The following ASCL4 variants were observed in gnomAD, a reference collection of about 807,000 sequenced individuals.
ASCL4 encodes achaete-scute homolog 4.
ASCL4 carries 1 observed loss-of-function variant against 0.3 expected under a neutral mutation model. The observed-to-expected ratio is 3.35, with a 90% confidence interval of 1.19 to 15.89. The LOEUF (loss-of-function observed/expected upper bound fraction) is 15.89, where lower values mean the gene tolerates loss of function less well. Ranked by LOEUF, ASCL4 falls within the 30% of genes most tolerant of loss-of-function variation. The pLI is 0.12. For missense variants in ASCL4, 330 were observed against 256.9 expected (o/e 1.28, Z -1.94); for synonymous variants, 137 against 119.5 (o/e 1.15, Z -0.96).
Position 107,775,946 on chromosome 12 carries a change from A to T in ASCL4, c.*209A>T. On this transcript the variant is annotated 3_prime_UTR_variant, in exon 1 of 1. Coordinates refer to ENST00000342331, the MANE Select transcript of ASCL4 (RefSeq NM_203436.3). ...AATTTCTCCCCTGCCCTTATTGGTTACGTGCCTGCAACTTATAGGTGCTTA... is the reference window on the plus strand; with the variant it reads ...AATTTCTCCCCTGCCCTTATTGGTTTCGTGCCTGCAACTTATAGGTGCTTA... 1 of 500,866 alleles carries T rather than the reference A, an allele frequency of 2.0e-6. No individual in the cohort carries two copies. The highest frequency in any genetic ancestry group is 8.1e-5 in the South Asian group (1 of 12,274). 31.0% of individuals were successfully genotyped at this position (500,866 alleles called of 1,614,324 possible).
At position 107,775,323 on chromosome 12, in the gene ASCL4, C is replaced by T. The variant is rs756393482; in HGVS notation, c.105C>T (p.Pro35=). The part of the protein sequence containing the change: ...GTLPGLPRRD[P]LRVALRLDAA... ...TGCCCGGACTCCCGCGGAGGGACCCCCTCAGGGTCGCCCTGCGTCTGGACG... is the reference window on the plus strand; with the variant it reads ...TGCCCGGACTCCCGCGGAGGGACCCTCTCAGGGTCGCCCTGCGTCTGGACG... The change falls in exon 1 of 1, where the codon CCC becomes CCT. Residue 35 remains proline (P), a synonymous_variant. Transcript: ENST00000342331. The T allele has an allele frequency of 6.2e-7, 1 of 1,610,682 alleles. No homozygotes were observed. Among genetic ancestry groups the T allele is most frequent in the South Asian group, 1.1e-5 (1 of 90,928 alleles).
At position 107,775,014 on chromosome 12, in the gene ASCL4, C is replaced by G; in HGVS notation, c.-205C>G. ...ACCTCTGCCTAAATCATAAAAAGAT[C>G]GAGGAGTGCAATGAACTTCAGGAAT... On this transcript the variant is annotated 5_prime_UTR_variant, in exon 1 of 1. In the 5' UTR this introduces an upstream ATG that the reference lacks. Transcript: ENST00000342331. The G allele has an allele frequency of 1.7e-6, 1 of 598,626 alleles. No individual in the cohort carries two copies. The highest frequency in any genetic ancestry group is 2.8e-6 in the Non-Finnish European group (1 of 351,458). 37.1% of individuals were successfully genotyped at this position (598,626 alleles called of 1,614,324 possible). A position where few individuals can be genotyped will look rare whatever the true frequency, so the allele number is the denominator to read the frequency against.
rs1891450763 is a variant in ASCL4, at chr12:107,775,665, C to T, written c.447C>T (p.Cys149=). Residue 149 remains cysteine, a synonymous_variant, in exon 1 of 1, where the codon TGC becomes TGT. Coordinates refer to ENST00000342331, the MANE Select transcript of ASCL4 (RefSeq NM_203436.3). ...CCGTCCCCCAGCGCAGGGCGGAATG[C>T]AACAGCGACGGGGAGTCCAAGGCCT... is the stretch of plus-strand genomic sequence containing the variant. ...AGAVPQRRAE[C]NSDGESKASS... 2.6e-6 allele frequency: 4 copies of T among 1,529,170 alleles called. No individual in the cohort carries two copies. The highest frequency in any genetic ancestry group is 2.0e-5 in the Admixed American group (1 of 49,064). The allele number at this position is 1,529,170 out of a possible 1,614,324, so 94.7% of individuals were successfully genotyped here.
In ASCL4 at chr12:107,775,151, G is replaced by T. The variant is rs1380170831; in HGVS notation, c.-68G>T. 6.4e-7 allele frequency: 1 copy of T among 1,560,332 alleles called. No individual in the cohort carries two copies. Among genetic ancestry groups the T allele is most frequent in the Non-Finnish European group, 8.7e-7 (1 of 1,148,490 alleles). On this transcript the variant is annotated 5_prime_UTR_variant, in exon 1 of 1. Transcript: ENST00000342331. ...TCTGCACCAGCACCTCTGCTTCTAA[G>T]ATTCTGTTTCGTCTTCTTCTATTGA...
In ASCL4 at chr12:107,774,941, A is replaced by C; in HGVS notation, c.-278A>C. On this transcript the variant is annotated 5_prime_UTR_variant, in exon 1 of 1. Coordinates refer to ENST00000342331, the MANE Select transcript of ASCL4 (RefSeq NM_203436.3). ...TCTTCTGAAAGAAGATCAGTGGGGA[A>C]GACGGGGTTTGAAGTGTGGATTAGG... 1 of 459,430 alleles carries C rather than the reference A, an allele frequency of 2.2e-6. No homozygotes were observed. The highest frequency in any genetic ancestry group is 3.8e-6 in the Non-Finnish European group (1 of 262,044). The allele number at this position is 459,430 out of a possible 1,614,324, so 28.5% of individuals were successfully genotyped here.
rs1041558884 is a variant in ASCL4, at chr12:107,774,988, C to A, written c.-231C>A. The A allele has an allele frequency of 2.2e-5, 12 of 547,652 alleles. No homozygotes were observed. Among genetic ancestry groups the A allele is most frequent in the Non-Finnish European group, 3.8e-5 (12 of 316,204 alleles). 33.9% of individuals were successfully genotyped at this position (547,652 alleles called of 1,614,324 possible). A position where few individuals can be genotyped will look rare whatever the true frequency, so the allele number is the denominator to read the frequency against. On this transcript the variant is annotated 5_prime_UTR_variant, in exon 1 of 1. Transcript: ENST00000342331. ...TAGGAGATCCTACGTCTTTGCCTACCACCTCTGCCTAAATCATAAAAAGAT... is the reference window on the plus strand; with the variant it reads ...TAGGAGATCCTACGTCTTTGCCTACAACCTCTGCCTAAATCATAAAAAGAT...
chr12:107,775,294 A>T lies in ASCL4; in HGVS notation c.76A>T (p.Thr26Ser). Residue 26 changes from threonine to serine, a missense_variant, in exon 1 of 1, where the codon ACC (threonine) becomes TCC (serine). Thr to Ser is a moderately conservative substitution (Grantham distance 58). Coordinates refer to ENST00000342331, the MANE Select transcript of ASCL4 (RefSeq NM_203436.3). Reference protein sequence around the residue: ...LRTAPLGVPGTLPGLPRRDPL... With the variant: ...LRTAPLGVPGSLPGLPRRDPL... ...CACCGCGCCCCTGGGCGTTCCGGGG[A>T]CCCTGCCCGGACTCCCGCGGAGGGA... is the stretch of plus-strand genomic sequence containing the variant. The T allele has an allele frequency of 2.5e-6, 4 of 1,611,714 alleles. No individual in the cohort carries two copies. The highest frequency in any genetic ancestry group is 3.4e-6 in the Non-Finnish European group (4 of 1,178,998).
At position 107,775,941 on chromosome 12, in the gene ASCL4, T is replaced by G. The variant is rs1391240388; in HGVS notation, c.*204T>G. On this transcript the variant is annotated 3_prime_UTR_variant, in exon 1 of 1. Coordinates refer to ENST00000342331, the MANE Select transcript of ASCL4 (RefSeq NM_203436.3). ...TTGGGAATTTCTCCCCTGCCCTTAT[T>G]GGTTACGTGCCTGCAACTTATAGGT... The G allele has an allele frequency of 3.8e-6, 2 of 528,350 alleles. No homozygotes were observed. Among genetic ancestry groups the G allele is most frequent in the African/African-American group, 4.0e-5 (2 of 50,144 alleles). The allele number at this position is 528,350 out of a possible 1,614,324, so 32.7% of individuals were successfully genotyped here.
Position 107,775,898 on chromosome 12 carries a change from G to C in ASCL4, c.*161G>C, listed in dbSNP as rs978645761. The C allele has an allele frequency of 5.7e-6, 5 of 872,724 alleles. No homozygotes were observed. The highest frequency in any genetic ancestry group is 7.9e-6 in the Non-Finnish European group (5 of 633,014). The allele number at this position is 872,724 out of a possible 1,614,324, so 54.1% of individuals were successfully genotyped here. A position where few individuals can be genotyped will look rare whatever the true frequency, so the allele number is the denominator to read the frequency against. On this transcript the variant is annotated 3_prime_UTR_variant, in exon 1 of 1. Transcript: ENST00000342331. ...AATGGGTGCTGGGGTTTGGGGGATG[G>C]GGGAGTTGTTTTGACATTTGGGAAT...
chr12:107,775,132 C>G lies in ASCL4; in HGVS notation c.-87C>G. 2 of 1,533,970 alleles carry G rather than the reference C, an allele frequency of 1.3e-6. No homozygotes were observed. The highest frequency in any genetic ancestry group is 1.2e-5 in the South Asian group (1 of 80,704). ...GACCCACTGAGCCAGGCAGTCTGCA[C>G]CAGCACCTCTGCTTCTAAGATTCTG... On this transcript the variant is annotated 5_prime_UTR_variant, in exon 1 of 1. Transcript: ENST00000342331.
Position 107,775,251 on chromosome 12 carries a change from C to T in ASCL4, c.33C>T (p.Ala11=). METRKPAERL[A]LPYSLRTAPL... is the part of the protein sequence containing the mutation. ...CGCGTAAACCGGCGGAACGGCTGGC[C>T]TTGCCATACTCGCTGCGCACCGCGC... Residue 11 remains alanine (A), a synonymous_variant, in exon 1 of 1, where the codon GCC becomes GCT. Transcript: ENST00000342331. 5 of 1,612,674 alleles carry T rather than the reference C, an allele frequency of 3.1e-6. No homozygotes were observed. Among genetic ancestry groups the T allele is most frequent in the Non-Finnish European group, 4.2e-6 (5 of 1,179,382 alleles).
In ASCL4 at chr12:107,776,246, A is replaced by C. The variant is rs769882438; in HGVS notation, c.*509A>C. 1.8e-5 allele frequency: 3 copies of C among 167,288 alleles called. No homozygotes were observed. The highest frequency in any genetic ancestry group is 4.4e-5 in the Non-Finnish European group (3 of 68,242). The allele number at this position is 167,288 out of a possible 1,614,324, so 10.4% of individuals were successfully genotyped here. A position where few individuals can be genotyped will look rare whatever the true frequency, so the allele number is the denominator to read the frequency against. ...ATTCCTTCCTTCGGGAATTGTATTC[A>C]AAATGTAATGGAAAGTAATTGTTGA... On this transcript the variant is annotated 3_prime_UTR_variant, in exon 1 of 1. Coordinates refer to ENST00000342331, the MANE Select transcript of ASCL4 (RefSeq NM_203436.3).
rs1416604932 is a variant in ASCL4, at chr12:107,776,269, T to G, written c.*532T>G. On this transcript the variant is annotated 3_prime_UTR_variant, in exon 1 of 1. Transcript: ENST00000342331. ...TCAAAATGTAATGGAAAGTAATTGTTGACCTCCTGCTTTGGGTGAAGGAGA... is the reference window on the plus strand; with the variant it reads ...TCAAAATGTAATGGAAAGTAATTGTGGACCTCCTGCTTTGGGTGAAGGAGA... 6.0e-6 allele frequency: 1 copy of G among 167,156 alleles called. No individual in the cohort carries two copies. The highest frequency in any genetic ancestry group is 1.5e-5 in the Non-Finnish European group (1 of 68,146). 10.4% of individuals were successfully genotyped at this position (167,156 alleles called of 1,614,324 possible).
In ASCL4 at chr12:107,775,711, A is replaced by T; in HGVS notation, c.493A>T (p.Ser165Cys). 1 of 1,455,022 alleles carries T rather than the reference A, an allele frequency of 6.9e-7. No individual in the cohort carries two copies. Among genetic ancestry groups the T allele is most frequent in the Non-Finnish European group, 9.0e-7 (1 of 1,113,950 alleles). 90.1% of individuals were successfully genotyped at this position (1,455,022 alleles called of 1,614,324 possible). The change falls in exon 1 of 1, where the codon AGC (serine) becomes TGC (cysteine). Residue 165 changes from serine (S) to cysteine (C), a missense_variant. Coordinates refer to ENST00000342331, the MANE Select transcript of ASCL4 (RefSeq NM_203436.3). ...GGCCTCTTCGGCGCCTTCGCCCAGC[A>T]GCGAGCCCGAGGAGGGGGGCAGCTA... ...SKASSAPSPS[S>C]EPEEGGS
chr12:107,775,689 C>A lies in ASCL4; in HGVS notation c.471C>A (p.Ala157=). 1 of 1,474,516 alleles carries A rather than the reference C, an allele frequency of 6.8e-7. No individual in the cohort carries two copies. Among genetic ancestry groups the A allele is most frequent in the Non-Finnish European group, 8.9e-7 (1 of 1,123,312 alleles). 91.3% of individuals were successfully genotyped at this position (1,474,516 alleles called of 1,614,324 possible). ...AECNSDGESK[A]SSAPSPSSEP... is the part of the protein sequence containing the mutation. ...GCAACAGCGACGGGGAGTCCAAGGCCTCTTCGGCGCCTTCGCCCAGCAGCG... is the reference window on the plus strand; with the variant it reads ...GCAACAGCGACGGGGAGTCCAAGGCATCTTCGGCGCCTTCGCCCAGCAGCG... The change falls in exon 1 of 1, where the codon GCC becomes GCA. Residue 157 remains alanine, a synonymous_variant. Transcript: ENST00000342331.
At position 107,774,929 on chromosome 12, in the gene ASCL4, G is replaced by A. The variant is rs61938581; in HGVS notation, c.-290G>A. 105,271 of 435,894 alleles carry A rather than the reference G, an allele frequency of 0.24. 16,503 individuals are homozygous for A. The highest frequency in any genetic ancestry group is 0.63 in the East Asian group (14,902 of 23,662). 27.0% of individuals were successfully genotyped at this position (435,894 alleles called of 1,614,324 possible). A position where few individuals can be genotyped will look rare whatever the true frequency, so the allele number is the denominator to read the frequency against. On this transcript the variant is annotated 5_prime_UTR_variant, in exon 1 of 1. Transcript: ENST00000342331. ...CCCCCTTTGTTATCTTCTGAAAGAA[G>A]ATCAGTGGGGAAGACGGGGTTTGAA...
chr12:107,775,705 C>G lies in ASCL4; in HGVS notation c.487C>G (p.Pro163Ala). The change falls in exon 1 of 1, where the codon CCC becomes GCC. Residue 163 changes from proline (P) to alanine (A), a missense_variant. Coordinates refer to ENST00000342331, the MANE Select transcript of ASCL4 (RefSeq NM_203436.3). ...GESKASSAPSPSSEPEEGGS is the reference protein window; with the variant it reads ...GESKASSAPSASSEPEEGGS ...GTCCAAGGCCTCTTCGGCGCCTTCGCCCAGCAGCGAGCCCGAGGAGGGGGG... is the reference window on the plus strand; with the variant it reads ...GTCCAAGGCCTCTTCGGCGCCTTCGGCCAGCAGCGAGCCCGAGGAGGGGGG... 6.9e-7 allele frequency: 1 copy of G among 1,458,026 alleles called. No homozygotes were observed. Among genetic ancestry groups the G allele is most frequent in the Non-Finnish European group, 9.0e-7 (1 of 1,115,218 alleles). The allele number at this position is 1,458,026 out of a possible 1,614,324, so 90.3% of individuals were successfully genotyped here.
At position 107,775,172 on chromosome 12, in the gene ASCL4, A is replaced by G. The variant is rs1031595363; in HGVS notation, c.-47A>G. On this transcript the variant is annotated 5_prime_UTR_variant, in exon 1 of 1. Coordinates refer to ENST00000342331, the MANE Select transcript of ASCL4 (RefSeq NM_203436.3). ...CTAAGATTCTGTTTCGTCTTCTTCTATTGAGAGATTGACCTCTTGAGTGAT... is the reference window on the plus strand; with the variant it reads ...CTAAGATTCTGTTTCGTCTTCTTCTGTTGAGAGATTGACCTCTTGAGTGAT... 5 of 1,588,652 alleles carry G rather than the reference A, an allele frequency of 3.1e-6. No homozygotes were observed. Among genetic ancestry groups the G allele is most frequent in the East Asian group, 2.3e-5 (1 of 43,776 alleles).
chr12:107,775,624 G>T lies in ASCL4; in HGVS notation c.406G>T (p.Glu136Ter). Residue 136 changes from glutamate (E) to a stop codon, truncating the protein, a stop_gained, in exon 1 of 1, where the codon GAG (glutamate) becomes TAG (stop). Coordinates refer to ENST00000342331, the MANE Select transcript of ASCL4 (RefSeq NM_203436.3). LOFTEE classifies it low-confidence loss of function (END_TRUNC). The stretch of plus-strand genomic sequence containing the variant: ...GCTGGAGCGCCAGGCCTGGGGGCTC[G>T]AGGGCGCGGCCGGCGCCGTCCCCCA... Reference protein sequence around the residue: ...ELLERQAWGLEGAAGAVPQRR... With the variant: ...ELLERQAWGL 6.4e-7 allele frequency: 1 copy of T among 1,564,352 alleles called. No individual in the cohort carries two copies. The highest frequency in any genetic ancestry group is 8.6e-7 in the Non-Finnish European group (1 of 1,164,396).
Sources: gnomAD v4.1 joint callset for allele counts on GRCh38, gnomAD v4.1.1 for gene constraint, MANE v1.5 for transcripts, NCBI Gene and HGNC (gene_info 2026-07-23, HGNC 2026-07-21) for gene names.